The following DAAM2 variants were observed in gnomAD, a reference collection of about 807,000 sequenced individuals.
DAAM2 encodes disheveled-associated activator of morphogenesis 2.
Under a neutral mutation model 120.7 loss-of-function variants are expected in DAAM2, and 39 were observed. The observed-to-expected ratio is 0.32, with a 90% CI of 0.25 to 0.42. DAAM2 has a LOEUF of 0.42. DAAM2 is among the 10% of genes least tolerant of loss of function. The pLI, the probability that DAAM2 is intolerant of heterozygous loss-of-function variation, is 1.00. For missense variants in DAAM2, 1,283 were observed against 1,401.7 expected (o/e 0.92, Z 1.35); for synonymous variants, 488 against 524.9 (o/e 0.93, Z 0.96).
intron 1 of DAAM2, among the ~76,000 whole-genome samples, chr6:39,795,272 A>T (rs144389485): frequency 4.5e-4 from 68 of 152,326 alleles, no homozygotes; most frequent in Non-Finnish European, 8.1e-4. Context: ...AAGTTGAAGG[A>T]TATCCTTGGC....
At chr6:39,874,774 C>T (rs745412716) in intron 10 of DAAM2, among the ~76,000 whole-genome samples, 1 of 152,184 alleles carries the variant, frequency 6.6e-6, no homozygotes, top group Non-Finnish European at 1.5e-5. Flanking sequence ...CACACTATGC[C>T]TTTACCTTCA....
At chr6:39,807,298 C>G (rs1001196842) in intron 1 of DAAM2, among the ~76,000 whole-genome samples, 3 of 151,982 alleles carry the variant, frequency 2.0e-5, no homozygotes, top group African/African-American at 7.2e-5. Context: ...AGAAGGATGC[C>G]ATTGCTAGTA....
chr6:39,863,936 T>TAA (rs1440801734), intron 3 of DAAM2, among the ~76,000 whole-genome samples: 3 of 152,194 alleles, frequency 2.0e-5, no homozygotes, highest in Non-Finnish European at 2.9e-5. Flanking sequence ...GAGTGCCTAC[T>TAA]ATGTGCCAAG....
At chr6:39,843,130 AATTC>A (rs1247719509) in intron 1 of DAAM2, among the ~76,000 whole-genome samples, 3 of 152,162 alleles carry the variant, frequency 2.0e-5, no homozygotes, top group Non-Finnish European at 4.4e-5. Context: ...ACAGTGTAGC[AATTC>A]ATTTAATCCT....
intron 1 of DAAM2, among the ~76,000 whole-genome samples, chr6:39,826,253 G>C (rs1762669031): frequency 6.7e-6 from 1 of 149,768 alleles, no homozygotes; most frequent in South Asian, 2.1e-4. Context: ...ATAACTGCCA[G>C]TTAGTAGCAG....
chr6:39,807,465 C>T (rs1762042602), intron 1 of DAAM2, among the ~76,000 whole-genome samples: 1 of 152,078 alleles, frequency 6.6e-6, no homozygotes, highest in Non-Finnish European at 1.5e-5. Context: ...CACATAGGGG[C>T]TTCATTTATA....
intron 1 of DAAM2, among the ~76,000 whole-genome samples, chr6:39,797,881 T>C (rs1056289778): frequency 1.3e-5 from 2 of 152,198 alleles, no homozygotes; most frequent in Non-Finnish European, 1.5e-5. Context: ...ATGAACAAGA[T>C]ACCATAGATT....
At chr6:39,861,281 A>G in intron 3 of DAAM2, 3 of 508,562 alleles carry the variant, frequency 5.9e-6, no homozygotes, top group South Asian at 5.6e-5. Context: ...GGAGACAGAC[A>G]AAGAAGCAGA....
At chr6:39,866,876 C>T (rs1194543994) in intron 5 of DAAM2, among the ~76,000 whole-genome samples, 2 of 152,176 alleles carry the variant, frequency 1.3e-5, no homozygotes, top group African/African-American at 4.8e-5. Flanking sequence ...TGACATTCAT[C>T]ATTGAGGAAA....
In DAAM2 at chr6:39,856,288, TGG is replaced by T; in HGVS notation, c.-14_-13del. On this transcript the variant is annotated 5_prime_UTR_variant, in exon 2 of 25. Transcript: ENST00000274867. Reference sequence around the variant, plus strand: ...AGGGCATCTGTCTGCTGACGCCCCCTGGCCTGCAGTGACCATGGCCCCCCGCA... The same window carrying T: ...AGGGCATCTGTCTGCTGACGCCCCCTCCTGCAGTGACCATGGCCCCCCGCA... 6.7e-7 allele frequency: 1 copy of T among 1,489,976 alleles called. No individual in the cohort carries two copies. Among genetic ancestry groups the T allele is most frequent in the Non-Finnish European group, 8.9e-7 (1 of 1,119,238 alleles). 92.3% of individuals were successfully genotyped at this position (1,489,976 alleles called of 1,614,324 possible).
At chr6:39,805,599 G>A (rs1161983876) in intron 1 of DAAM2, among the ~76,000 whole-genome samples, 2 of 151,104 alleles carry the variant, frequency 1.3e-5, no homozygotes, top group African/African-American at 4.9e-5. Context: ...CTGTTGCCCA[G>A]GCTGGAGTGC....
chr6:39,883,892 G>T, intron 14 of DAAM2, 70 bp from the exon 15 acceptor site: 1 of 972,844 alleles, frequency 1.0e-6, no homozygotes, highest in Non-Finnish European at 1.6e-6. Context: ...AGTGGGGTTA[G>T]GGAGGCATGG....
chr6:39,869,266 G>C (rs1030811231), intron 7 of DAAM2, among the ~76,000 whole-genome samples: 1 of 152,112 alleles, frequency 6.6e-6, no homozygotes, highest in Non-Finnish European at 1.5e-5. Flanking sequence ...TTCCTTTGGG[G>C]TCAGAATGGG....
At position 39,868,952 on chromosome 6, in the gene DAAM2, G is replaced by A. The variant is rs1224809626; in HGVS notation, c.873+19G>A. 1 of 1,516,616 alleles carries A rather than the reference G, an allele frequency of 6.6e-7. No homozygotes were observed. Among genetic ancestry groups the A allele is most frequent in the Admixed American group, 1.9e-5 (1 of 51,740 alleles). The allele number at this position is 1,516,616 out of a possible 1,614,324, so 93.9% of individuals were successfully genotyped here. ...TGGAGAGGTGGGGTGCCTTCTCCTT[G>A]CCCTTGCTGTTCCCTGACTTTCTGG... On this transcript the variant is annotated intron_variant, in intron 7 of 24. Transcript: ENST00000274867.
In DAAM2 at chr6:39,870,519, G is replaced by A. The variant is rs1019189651; in HGVS notation, c.977+76G>A. The A allele has an allele frequency of 1.9e-5, 18 of 942,390 alleles. No individual in the cohort carries two copies. The Admixed American group carries it at 3.6e-4, about 19-fold the overall frequency. The allele number at this position is 942,390 out of a possible 1,614,324, so 58.4% of individuals were successfully genotyped here. A position where few individuals can be genotyped will look rare whatever the true frequency, so the allele number is the denominator to read the frequency against. On this transcript the variant is annotated intron_variant, in intron 8 of 24. Transcript: ENST00000274867. ...AGATGGGGATAGTTGGGACCTTTGT[G>A]AAGGCTGCCCTTCCCTCTGGAGACC...
At chr6:39,846,344 T>C (rs528301330) in intron 1 of DAAM2, among the ~76,000 whole-genome samples, 1 of 152,304 alleles carries the variant, frequency 6.6e-6, no homozygotes, top group Admixed American at 6.5e-5. Flanking sequence ...AACAGCATCA[T>C]TTAACGCCTC....
At chr6:39,899,410 C>G (rs563207471) in intron 22 of DAAM2, among the ~76,000 whole-genome samples, 35 of 152,272 alleles carry the variant, frequency 2.3e-4, no homozygotes, top group Non-Finnish European at 4.7e-4. Flanking sequence ...CTATCTCTGG[C>G]CCTAGCCTTC....
rs532849951 is a variant in DAAM2 at position 39,842,548 on chromosome 6, G to A, written c.-56-13699G>A. Among the ~76,000 whole-genome samples the A allele has an allele frequency of 1.1e-4, 17 of 152,194 alleles. 1 individual carries two copies. In the South Asian group the frequency reaches 3.3e-3, roughly 30 times the overall value. On this transcript the variant is annotated intron_variant, in intron 1 of 24. Transcript: ENST00000274867. Reference sequence around the variant, plus strand: ...CTTGGGAGGCTGAGGCAGGAGAATCGCTTGAACCCGGGAGGCGGAGGTTGC... The same window carrying A: ...CTTGGGAGGCTGAGGCAGGAGAATCACTTGAACCCGGGAGGCGGAGGTTGC...
intron 2 of DAAM2, among the ~76,000 whole-genome samples, 196 bp downstream of exon 2, chr6:39,856,666 G>A (rs1764018325): frequency 1.3e-5 from 2 of 152,208 alleles, no homozygotes; most frequent in African/African-American, 2.4e-5. Flanking sequence ...CATAAAGTGT[G>A]TCCCCAGAAG....
Sources: gnomAD v4.1 joint callset for allele counts (sites outside exome capture counted in the v4.1 genomes callset) on GRCh38, gnomAD v4.1.1 for gene constraint, MANE v1.5 for transcripts, NCBI Gene and HGNC (gene_info 2026-07-23, HGNC 2026-07-21) for gene names.